Variants in LMBR1 observed in about 807,000 individuals in gnomAD.
LMBR1 encodes limb development membrane protein 1, also known as limb region 1 protein homolog.
LMBR1 carries 52 observed loss-of-function variants against 73.9 expected under a neutral mutation model. The observed-to-expected ratio is 0.70, with a 90% CI of 0.56 to 0.89. The LOEUF is 0.89. Ranked by LOEUF, LMBR1 falls within the 40% of genes least tolerant of loss-of-function variation. The pLI is 0.00. For missense variants in LMBR1, 539 were observed against 579.8 expected, an observed-to-expected ratio of 0.93 and a Z score of 0.72; for synonymous variants, 215 against 209.4, an observed-to-expected ratio of 1.03 and a Z score of -0.23.
intron 3 of LMBR1, among the ~76,000 whole-genome samples, chr7:156,828,730 A>C (rs1836128118): frequency 6.6e-6 from 1 of 152,204 alleles, no homozygotes; most frequent in East Asian, 1.9e-4. Context: ...CAGTTAGCAA[A>C]CAAGGACCAG....
At chr7:156,734,337 A>C in intron 9 of LMBR1, 80 bp from the exon 10 acceptor site, 1 of 814,734 alleles carries the variant, frequency 1.2e-6, no homozygotes, top group South Asian at 2.2e-5. Context: ...TTAAAATCTA[A>C]AATAACACAT....
chr7:156,685,786 G>A lies in LMBR1; in HGVS notation c.1388-1623C>T, dbSNP rs999881744. On this transcript the variant is annotated intron_variant, in intron 16 of 16. Coordinates refer to ENST00000353442, the MANE Select transcript of LMBR1 (RefSeq NM_022458.4). This position sits in a 1 kb window ranked among gnomAD's most constrained non-coding sequence, Gnocchi z 4.1. ...CAGATGTTGAGAAAATACTTTTCAC[G>A]AAGCTCAGACCTTTCTGGCATCTCA... 1.3e-5 allele frequency among the ~76,000 whole-genome samples: 2 copies of A among 152,202 alleles called. No homozygotes were observed. Among genetic ancestry groups the A allele is most frequent in the African/African-American group, 4.8e-5 (2 of 41,454 alleles).
rs908199392 is a variant in LMBR1 at position 156,686,807 on chromosome 7, C to T, written c.1387+1223G>A. Reference sequence around the variant, plus strand: ...TTATCTGAAACCATGGCTAACTAATCTTGCTGATATTATAACAGGCTTAAA... The same window carrying T: ...TTATCTGAAACCATGGCTAACTAATTTTGCTGATATTATAACAGGCTTAAA... On this transcript the variant is annotated intron_variant, in intron 16 of 16. Coordinates refer to ENST00000353442, the MANE Select transcript of LMBR1 (RefSeq NM_022458.4). Among the ~76,000 whole-genome samples the T allele has an allele frequency of 2.0e-5, 3 of 152,322 alleles. No homozygotes were observed. The East Asian group carries it at 5.8e-4, about 29-fold the overall frequency.
At chr7:156,713,133 C>T (rs1242485065) in intron 15 of LMBR1, among the ~76,000 whole-genome samples, 1 of 151,976 alleles carries the variant, frequency 6.6e-6, no homozygotes, top group Non-Finnish European at 1.5e-5. Flanking sequence ...TGAAAGAAAC[C>T]TATCTGAAAA....
Position 156,682,623 on chromosome 7 carries a change from G to A in LMBR1, c.*1455C>T, listed in dbSNP as rs1056628356. On this transcript the variant is annotated 3_prime_UTR_variant, in exon 17 of 17. Coordinates refer to ENST00000353442, the MANE Select transcript of LMBR1 (RefSeq NM_022458.4). ...GAAATGCAGACGTATAAATAAGGGG[G>A]AAGTGTACTCAACAAAGGTTGTAAA... 6.6e-6 allele frequency: 1 copy of A among 152,116 alleles called. No homozygotes were observed. Among genetic ancestry groups the A allele is most frequent in the Admixed American group, 6.6e-5 (1 of 15,264 alleles). The allele number at this position is 152,116 out of a possible 1,614,324, so 9.4% of individuals were successfully genotyped here.
chr7:156,808,127 C>T (rs1018160691), intron 4 of LMBR1, among the ~76,000 whole-genome samples: 1 of 152,148 alleles, frequency 6.6e-6, no homozygotes, highest in African/African-American at 2.4e-5. Context: ...TAGGTCAAGT[C>T]AGTTGATAGT....
intron 1 of LMBR1, among the ~76,000 whole-genome samples, chr7:156,871,515 C>T (rs1186409186): frequency 2.0e-5 from 3 of 152,068 alleles, no homozygotes; most frequent in African/African-American, 7.2e-5. Context: ...GGACAATATC[C>T]CTGAAGAATA....
intron 1 of LMBR1, among the ~76,000 whole-genome samples, chr7:156,892,229 A>C (rs1181288058): frequency 6.6e-6 from 1 of 152,338 alleles, no homozygotes; most frequent in East Asian, 1.9e-4. Context: ...CCTCACTCCC[A>C]AAAATAACCA....
intron 14 of LMBR1, 63 bp downstream of exon 14, chr7:156,725,372 A>T: frequency 1.1e-6 from 1 of 941,002 alleles, no homozygotes; most frequent in Non-Finnish European, 1.7e-6. Context: ...AATGACTATT[A>T]AATAAAGCAG....
rs376107887 is a variant in LMBR1 at position 156,833,842 on chromosome 7, C to T, written c.140-50G>A. The T allele has an allele frequency of 9.4e-5, 109 of 1,158,912 alleles. 1 individual carries two copies. The East Asian group carries it at 1.3e-3, about 14-fold the overall frequency. The allele number at this position is 1,158,912 out of a possible 1,614,324, so 71.8% of individuals were successfully genotyped here. ...TATTCCTTTATCTTCTAACAAAATG[C>T]GTCATTAATTTATTAAAACTATAAA... On this transcript the variant is annotated intron_variant, in intron 2 of 16. Coordinates refer to ENST00000353442, the MANE Select transcript of LMBR1 (RefSeq NM_022458.4).
intron 1 of LMBR1, among the ~76,000 whole-genome samples, chr7:156,845,958 A>T (rs1586192256): frequency 6.6e-6 from 1 of 151,856 alleles, no homozygotes; most frequent in Non-Finnish European, 1.5e-5. Context: ...ACAGTACCAA[A>T]ATACCTCAGA....
chr7:156,854,083 C>T (rs1414794787), intron 1 of LMBR1, among the ~76,000 whole-genome samples: 2 of 151,966 alleles, frequency 1.3e-5, no homozygotes, highest in Non-Finnish European at 2.9e-5. Flanking sequence ...GCTTCCAGTC[C>T]AACATGAAAG....
intron 5 of LMBR1, among the ~76,000 whole-genome samples, chr7:156,781,536 T>C (rs1043876839): frequency 2.0e-5 from 3 of 152,198 alleles, no homozygotes; most frequent in Admixed American, 6.5e-5. Flanking sequence ...TATTTTTCCA[T>C]TGAAAATCAG....
At chr7:156,725,189 C>T (rs1815478745) in intron 14 of LMBR1, among the ~76,000 whole-genome samples, 1 of 152,120 alleles carries the variant, frequency 6.6e-6, no homozygotes, top group Non-Finnish European at 1.5e-5. Context: ...CTTTCAGGAG[C>T]CTTCTATAGC....
At chr7:156,807,073 G>A (rs1157617008) in intron 4 of LMBR1, among the ~76,000 whole-genome samples, 3 of 151,830 alleles carry the variant, frequency 2.0e-5, no homozygotes, top group Non-Finnish European at 4.4e-5. Flanking sequence ...CACATGGATT[G>A]GCATTGCAAA....
chr7:156,829,038 T>TA (rs112349840), intron 3 of LMBR1, among the ~76,000 whole-genome samples: 5 of 151,902 alleles, frequency 3.3e-5, no homozygotes, highest in African/African-American at 4.8e-5. Context: ...CTACCTTATC[T>TA]AAAAAAAATC....
chr7:156,835,169 C>T (rs1356715069), intron 2 of LMBR1, among the ~76,000 whole-genome samples: 1 of 151,836 alleles, frequency 6.6e-6, no homozygotes, highest in Non-Finnish European at 1.5e-5. Context: ...TACCACAAAC[C>T]CTCCTGGCCC....
At chr7:156,811,158 T>A (rs1176921931) in intron 4 of LMBR1, among the ~76,000 whole-genome samples, 1 of 152,188 alleles carries the variant, frequency 6.6e-6, no homozygotes, top group East Asian at 1.9e-4. Context: ...TTCATTAATC[T>A]CTTCTGCAAT....
intron 13 of LMBR1, 115 bp from the exon 14 acceptor site, chr7:156,725,640 T>C (rs1815582968): frequency 8.3e-7 from 1 of 1,206,856 alleles, no homozygotes; most frequent in South Asian, 1.4e-5. Context: ...CCGCTTTAAG[T>C]GCTTGAGGAA....
Sources: allele counts gnomAD v4.1 joint callset (sites outside exome capture counted in the v4.1 genomes callset), GRCh38; gene constraint gnomAD v4.1.1; non-coding constraint Gnocchi (gnomAD v3.1); transcripts MANE v1.5; gene names NCBI Gene and HGNC (gene_info 2026-07-23, HGNC 2026-07-21).